The following CDHR3 variants were observed in gnomAD, a reference collection of about 807,000 sequenced individuals.
CDHR3 encodes cadherin related family member 3, also known as cadherin-related family member 3.
Under a neutral mutation model 86.6 loss-of-function variants are expected in CDHR3, and 79 were observed. The ratio of observed to expected loss-of-function variants is 0.91; its 90% CI spans 0.76 to 1.10. CDHR3 has a LOEUF of 1.10. Ranked by LOEUF, CDHR3 falls within the 50% of genes least tolerant of loss-of-function variation. The probability of loss-of-function intolerance (pLI) is 0.00; values close to 1 mark genes in which losing one functional copy is unlikely to be tolerated. For missense variants in CDHR3, 1,081 were observed against 1,077.6 expected, an observed-to-expected ratio of 1.00 and a Z score of -0.04; for synonymous variants, 421 against 402.4, an observed-to-expected ratio of 1.05 and a Z score of -0.55.
chr7:106,003,621 G>T (rs563717357), intron 7 of CDHR3, among the ~76,000 whole-genome samples: 1 of 152,030 alleles, frequency 6.6e-6, no homozygotes, highest in African/African-American at 2.4e-5. Flanking sequence ...CTGATTCCTC[G>T]GGCCTGTCCT....
At chr7:105,983,078 C>T (rs1403986898) in intron 3 of CDHR3, among the ~76,000 whole-genome samples, 2 of 152,026 alleles carry the variant, frequency 1.3e-5, no homozygotes, top group Non-Finnish European at 2.9e-5. Flanking sequence ...TAACCCAACT[C>T]ACACTTCCTT....
At chr7:106,020,234 G>A in intron 12 of CDHR3, 139 bp from the exon 13 acceptor site, 1 of 702,316 alleles carries the variant, frequency 1.4e-6, no homozygotes, top group Non-Finnish European at 2.3e-6. Context: ...ACCATAAAAT[G>A]GGAATAATCA....
chr7:105,980,774 G>C (rs1029268338), intron 2 of CDHR3, among the ~76,000 whole-genome samples, 194 bp from the exon 3 acceptor site: 1 of 151,996 alleles, frequency 6.6e-6, no homozygotes, highest in Non-Finnish European at 1.5e-5. Context: ...ACATGCAGGA[G>C]TCCCTTTAGT....
Position 105,984,640 on chromosome 7 carries a change from T to C in CDHR3, c.513+351T>C, listed in dbSNP as rs73412246. Among the ~76,000 whole-genome samples, 517 of 152,058 alleles carry C rather than the reference T, an allele frequency of 3.4e-3. 6 individuals carry two copies. Among genetic ancestry groups the C allele is most frequent in the African/African-American group, 0.012 (495 of 41,366 alleles). ...ACCACTTAGTGCAGTGCCGGGTGTA[T>C]CAAAACTGCTCAATATTTTAAAAAT... On this transcript the variant is annotated intron_variant, in intron 4 of 18. Transcript: ENST00000317716.
chr7:106,029,548 G>GTCTCTCTCTC (rs59823993), intron 17 of CDHR3, among the ~76,000 whole-genome samples: 32 of 147,174 alleles, frequency 2.2e-4, no homozygotes, highest in African/African-American at 8.0e-4. Context: ...CTCCACCTCT[G>GTCTCTCTCTC]TCTCTCTCTC....
chr7:105,992,767 G>T (rs1415793034), intron 4 of CDHR3, among the ~76,000 whole-genome samples: 1 of 152,138 alleles, frequency 6.6e-6, no homozygotes, highest in Non-Finnish European at 1.5e-5. Context: ...TTTTTGGAGG[G>T]TATACGTTTG....
chr7:105,994,799 A>G lies in CDHR3; in HGVS notation c.562A>G (p.Thr188Ala). The change falls in exon 5 of 19, where the codon ACC (threonine) becomes GCC (alanine). Residue 188 changes from threonine (T) to alanine (A), a missense_variant. Coordinates refer to ENST00000317716, the MANE Select transcript of CDHR3 (RefSeq NM_152750.5). ...GAGCTTCAGAATGTCTGCTAATGGC[A>G]CCCTCTTCTCCACAACAGAATTGGA... ...PKSFRMSANGTLFSTTELDFE... is the reference protein window; with the variant it reads ...PKSFRMSANGALFSTTELDFE... 1 of 1,612,484 alleles carries G rather than the reference A, an allele frequency of 6.2e-7. No individual in the cohort carries two copies. Among genetic ancestry groups the G allele is most frequent in the Non-Finnish European group, 8.5e-7 (1 of 1,179,328 alleles).
At chr7:106,024,707 G>A in intron 15 of CDHR3, 145 bp downstream of exon 15, 1 of 804,108 alleles carries the variant, frequency 1.2e-6, no homozygotes, top group Non-Finnish European at 1.9e-6. Flanking sequence ...AGATACGGGG[G>A]AAGGAATCCC....
intron 2 of CDHR3, among the ~76,000 whole-genome samples, chr7:105,979,323 C>G (rs954299272): frequency 6.6e-6 from 1 of 152,140 alleles, no homozygotes; most frequent in African/African-American, 2.4e-5. Flanking sequence ...TCTACACTTA[C>G]GTGGCTCCTA....
chr7:106,007,369 T>G (rs972830565), intron 8 of CDHR3, among the ~76,000 whole-genome samples: 1 of 152,234 alleles, frequency 6.6e-6, no homozygotes, highest in Non-Finnish European at 1.5e-5. Flanking sequence ...AAATGGGATT[T>G]TCCTTTCTAT....
intron 7 of CDHR3, among the ~76,000 whole-genome samples, chr7:106,003,845 C>T (rs2115799058): frequency 6.6e-6 from 1 of 152,004 alleles, no homozygotes; most frequent in East Asian, 1.9e-4. Flanking sequence ...AGTGTAGGGA[C>T]AACCATGGTT....
intron 6 of CDHR3, among the ~76,000 whole-genome samples, chr7:105,999,946 T>TTTTTTTTTA (rs1371512473): frequency 4.6e-5 from 7 of 152,184 alleles, no homozygotes; most frequent in Non-Finnish European, 7.3e-5. Context: ...AACCCGCTCA[T>TTTTTTTTTA]GATGACCAAA....
chr7:105,994,227 G>T (rs916072266), intron 4 of CDHR3, among the ~76,000 whole-genome samples: 3 of 149,252 alleles, frequency 2.0e-5, no homozygotes, highest in Non-Finnish European at 4.4e-5. Context: ...GTGGGTAGTA[G>T]CTGTATTAAA....
In CDHR3 at chr7:105,990,224, T is replaced by C. The variant is rs569661036; in HGVS notation, c.514-4527T>C. Among the ~76,000 whole-genome samples, 6 of 152,302 alleles carry C rather than the reference T, an allele frequency of 3.9e-5. No homozygotes were observed. The East Asian group carries it at 1.2e-3, about 29-fold the overall frequency. On this transcript the variant is annotated intron_variant, in intron 4 of 18. Coordinates refer to ENST00000317716, the MANE Select transcript of CDHR3 (RefSeq NM_152750.5). ...GCAGCTTTATCGGTGAAGGATTACA[T>C]TAATAATAGCATTTTGCATTTGTCA...
At position 106,030,148 on chromosome 7, in the gene CDHR3, A is replaced by C. The variant is rs1404934081; in HGVS notation, c.2305-644A>C. 6.6e-6 allele frequency among the ~76,000 whole-genome samples: 1 copy of C among 152,158 alleles called. No homozygotes were observed. Among genetic ancestry groups the C allele is most frequent in the Non-Finnish European group, 1.5e-5 (1 of 68,018 alleles). On this transcript the variant is annotated intron_variant, in intron 17 of 18. Coordinates refer to ENST00000317716, the MANE Select transcript of CDHR3 (RefSeq NM_152750.5). This position sits in a 1 kb window ranked among gnomAD's most constrained non-coding sequence, Gnocchi z 4.8. Reference sequence around the variant, plus strand: ...TGGCACCTCTAGAGGGCAGCATGTGAGGGAAGGGGGTGTTTCTATGGGGAC... The same window carrying C: ...TGGCACCTCTAGAGGGCAGCATGTGCGGGAAGGGGGTGTTTCTATGGGGAC...
chr7:106,003,676 A>G (rs1833522879), intron 7 of CDHR3, among the ~76,000 whole-genome samples: 1 of 152,128 alleles, frequency 6.6e-6, no homozygotes, highest in Non-Finnish European at 1.5e-5. Flanking sequence ...TCCTGATTGC[A>G]TCACCAAAAA....
At chr7:105,977,018 T>A (rs956993138) in intron 2 of CDHR3, among the ~76,000 whole-genome samples, 1 of 149,776 alleles carries the variant, frequency 6.7e-6, no homozygotes, top group Non-Finnish European at 1.5e-5. Context: ...GGTCTCACTA[T>A]GCTGCCCAGG....
At chr7:106,024,673 G>T (rs1329529986) in intron 15 of CDHR3, 111 bp downstream of exon 15, 1 of 1,162,686 alleles carries the variant, frequency 8.6e-7, no homozygotes, top group African/African-American at 1.5e-5. Context: ...AAGGCAGGTT[G>T]CCTGGAGTGA....
intron 16 of CDHR3, among the ~76,000 whole-genome samples, chr7:106,026,993 G>A (rs540278395): frequency 1.3e-5 from 2 of 152,300 alleles, no homozygotes; most frequent in Non-Finnish European, 2.9e-5. Context: ...CATGGCACAG[G>A]AAGAAAGAAC....
Sources: allele counts gnomAD v4.1 joint callset (sites outside exome capture counted in the v4.1 genomes callset), GRCh38; gene constraint gnomAD v4.1.1; non-coding constraint Gnocchi (gnomAD v3.1); transcripts MANE v1.5; gene names NCBI Gene and HGNC (gene_info 2026-07-23, HGNC 2026-07-21).